The following ZCWPW2 variants were observed in gnomAD, a reference collection of about 807,000 sequenced individuals.
The protein encoded by ZCWPW2 is zinc finger CW-type PWWP domain protein 2.
ZCWPW2 carries 45 observed loss-of-function variants against 46.6 expected under a neutral mutation model. That is an observed-to-expected ratio of 0.96 (90% CI 0.76 to 1.24). The LOEUF (loss-of-function observed/expected upper bound fraction) is 1.24. ZCWPW2 is among the 50% of genes most tolerant of loss of function. The pLI is 0.00. For synonymous variants in ZCWPW2, 152 were observed against 137.1 expected (o/e 1.11, Z -0.76); for missense variants, 429 against 403.9 (o/e 1.06, Z -0.53).
intron 4 of ZCWPW2, among the ~76,000 whole-genome samples, chr3:28,436,662 G>A (rs1281998745): frequency 6.6e-6 from 1 of 152,020 alleles, no homozygotes; most frequent in African/African-American, 2.4e-5. Context: ...TTTGAAGCAG[G>A]TAAGAGGGAA....
At position 28,408,531 on chromosome 3, in the gene ZCWPW2, G is replaced by C. The variant is rs534571662; in HGVS notation, c.-13-4525G>C. 8.5e-5 allele frequency among the ~76,000 whole-genome samples: 13 copies of C among 152,194 alleles called. 1 individual carries two copies. In the South Asian group the frequency reaches 2.1e-3, roughly 24 times the overall value. On this transcript the variant is annotated intron_variant, in intron 2 of 9. Transcript: ENST00000383768. ...GATAATATATTCTATAAACTAGTTA[G>C]TTAAATGTAACTCCAATACATTGCA...
chr3:28,396,640 A>G (rs1404846147), intron 2 of ZCWPW2, among the ~76,000 whole-genome samples: 1 of 152,218 alleles, frequency 6.6e-6, no homozygotes, highest in African/African-American at 2.4e-5. Context: ...AGAGTTGCAT[A>G]ATCTGTGATA....
chr3:28,485,577 G>A (rs549674091), intron 5 of ZCWPW2, among the ~76,000 whole-genome samples: 1 of 152,148 alleles, frequency 6.6e-6, no homozygotes, highest in South Asian at 2.1e-4. Flanking sequence ...CTGTTGTTAG[G>A]TGCATGTACA....
At chr3:28,379,264 A>G (rs574822757) in intron 1 of ZCWPW2, among the ~76,000 whole-genome samples, 11 of 152,208 alleles carry the variant, frequency 7.2e-5, no homozygotes, top group Non-Finnish European at 1.5e-4. Flanking sequence ...ATCCTTGTAA[A>G]GCCAGAGGAA....
intron 8 of ZCWPW2, among the ~76,000 whole-genome samples, chr3:28,517,206 A>C (rs1700597626): frequency 6.6e-6 from 1 of 151,992 alleles, no homozygotes; most frequent in South Asian, 2.1e-4. Flanking sequence ...TTTTTTTTTC[A>C]GTGCCAGCTT....
At chr3:28,355,368 G>T (rs1704692555) in intron 1 of ZCWPW2, among the ~76,000 whole-genome samples, 1 of 152,226 alleles carries the variant, frequency 6.6e-6, no homozygotes, top group Admixed American at 6.5e-5. Flanking sequence ...ATAAATGGAG[G>T]AACATTCCAT....
intron 4 of ZCWPW2, among the ~76,000 whole-genome samples, chr3:28,437,630 A>T (rs1697554226): frequency 6.6e-6 from 1 of 152,194 alleles, no homozygotes; most frequent in Non-Finnish European, 1.5e-5. Flanking sequence ...CATACAGATG[A>T]TAGTGTTTTC....
intron 6 of ZCWPW2, among the ~76,000 whole-genome samples, chr3:28,504,178 C>T (rs1183111004): frequency 6.6e-6 from 1 of 152,098 alleles, no homozygotes; most frequent in Middle Eastern, 3.4e-3. Flanking sequence ...GCCTGGGTGA[C>T]GGGAGTGAGT....
chr3:28,413,739 C>T (rs547775756), intron 3 of ZCWPW2, among the ~76,000 whole-genome samples: 4 of 151,738 alleles, frequency 2.6e-5, no homozygotes, highest in South Asian at 4.2e-4. Flanking sequence ...TTTTGAAATC[C>T]GTTTTTTAGA....
intron 1 of ZCWPW2, among the ~76,000 whole-genome samples, chr3:28,379,050 A>G (rs1248080159): frequency 3.3e-5 from 5 of 152,150 alleles, no homozygotes; most frequent in African/African-American, 4.8e-5. Context: ...ATAGTATTCT[A>G]TATTTGGCCC....
At chr3:28,394,694 C>T (rs1695626435) in intron 2 of ZCWPW2, among the ~76,000 whole-genome samples, 1 of 152,054 alleles carries the variant, frequency 6.6e-6, no homozygotes, top group African/African-American at 2.4e-5. Context: ...CTTAAGAAAA[C>T]TGGATATTCA....
chr3:28,390,966 G>A (rs897863262), intron 2 of ZCWPW2, among the ~76,000 whole-genome samples: 38 of 152,132 alleles, frequency 2.5e-4, no homozygotes, highest in African/African-American at 8.2e-4. Context: ...CAGTGATAAA[G>A]GCATCTTTCA....
intron 4 of ZCWPW2, chr3:28,448,073 A>C: frequency 3.8e-6 from 1 of 266,394 alleles, no homozygotes; most frequent in Non-Finnish European, 7.4e-6. Flanking sequence ...CAGAAAGCTA[A>C]ATAAAAAATG....
chr3:28,421,825 G>C (rs1055490184), intron 3 of ZCWPW2, among the ~76,000 whole-genome samples: 4 of 136,066 alleles, frequency 2.9e-5, no homozygotes, highest in African/African-American at 8.2e-5. Flanking sequence ...CCATATGTTG[G>C]AGAATAGTTT....
chr3:28,521,984 C>A (rs1488959762), intron 9 of ZCWPW2, among the ~76,000 whole-genome samples: 1 of 152,156 alleles, frequency 6.6e-6, no homozygotes, highest in African/African-American at 2.4e-5. Flanking sequence ...TGGCTTATCA[C>A]TTACCTCAGA....
intron 3 of ZCWPW2, among the ~76,000 whole-genome samples, chr3:28,419,934 G>A (rs1696695099): frequency 9.1e-6 from 1 of 109,864 alleles, no homozygotes; most frequent in Admixed American, 1.0e-4. Flanking sequence ...TGGGGTGGGG[G>A]GAGGGGGGAG....
chr3:28,515,424 C>A, intron 7 of ZCWPW2, 130 bp from the exon 8 acceptor site: 2 of 722,288 alleles, frequency 2.8e-6, no homozygotes, highest in Non-Finnish European at 4.5e-6. Context: ...CTACATAAAA[C>A]AACCAAGAGA....
intron 3 of ZCWPW2, among the ~76,000 whole-genome samples, chr3:28,432,703 G>A (rs2125760585): frequency 6.6e-6 from 1 of 152,074 alleles, no homozygotes; most frequent in East Asian, 1.9e-4. Flanking sequence ...TAGAGTTGTA[G>A]TTTTTAAAAT....
rs1214944361 is a variant in ZCWPW2, at chr3:28,500,070, C to T, written c.657+7897C>T. On this transcript the variant is annotated intron_variant, in intron 6 of 9. Coordinates refer to ENST00000383768, the MANE Select transcript of ZCWPW2 (RefSeq NM_001040432.4). Reference sequence around the variant, plus strand: ...TGGTAACACTGATGAAAAGCTTTATCAGTATAGCTTCCTCTCCTACCCTAT... The same window carrying T: ...TGGTAACACTGATGAAAAGCTTTATTAGTATAGCTTCCTCTCCTACCCTAT... Among the ~76,000 whole-genome samples, 5 of 152,034 alleles carry T rather than the reference C, an allele frequency of 3.3e-5. No individual in the cohort carries two copies. The East Asian group carries it at 9.6e-4, about 29-fold the overall frequency.
Sources: gnomAD v4.1 joint callset for allele counts (sites outside exome capture counted in the v4.1 genomes callset) on GRCh38, gnomAD v4.1.1 for gene constraint, MANE v1.5 for transcripts, NCBI Gene and HGNC (gene_info 2026-07-23, HGNC 2026-07-21) for gene names.